The following CSMD2 variants were observed in gnomAD, a reference collection of about 807,000 sequenced individuals.
The protein encoded by CSMD2 is CUB and Sushi multiple domains 2, also known as CUB and sushi domain-containing protein 2.
In CSMD2, 130 loss-of-function variants were observed where a neutral mutation model predicts 398.5. The observed-to-expected ratio is 0.33, with a 90% confidence interval of 0.28 to 0.38. The LOEUF (loss-of-function observed/expected upper bound fraction) is 0.38, where lower values mean the gene tolerates loss of function less well. Ranked by LOEUF, CSMD2 falls within the 10% of genes least tolerant of loss-of-function variation. The pLI, the probability that CSMD2 is intolerant of heterozygous loss-of-function variation, is 1.00. For missense variants in CSMD2, 3,829 were observed against 4,764.9 expected (o/e 0.80, Z 5.78); for synonymous variants, 1,828 against 1,908.5 (o/e 0.96, Z 1.10).
intron 12 of CSMD2, among the ~76,000 whole-genome samples, chr1:33,775,279 C>G (rs1336295001): frequency 1.3e-5 from 2 of 152,218 alleles, no homozygotes; most frequent in Non-Finnish European, 2.9e-5. Flanking sequence ...CCTCACTGGT[C>G]TTCACCATAG....
chr1:33,710,152 T>C (rs984938907), intron 21 of CSMD2, among the ~76,000 whole-genome samples: 2 of 152,198 alleles, frequency 1.3e-5, no homozygotes, highest in Non-Finnish European at 2.9e-5. Flanking sequence ...ACTGTCTCCT[T>C]AACACCCACA....
chr1:33,590,071 C>G (rs1019865207), intron 44 of CSMD2, among the ~76,000 whole-genome samples: 1 of 151,342 alleles, frequency 6.6e-6, no homozygotes, highest in East Asian at 1.9e-4. Flanking sequence ...AGCCTGGGTA[C>G]TTTATATTTT....
chr1:34,135,486 C>T (rs1638637830), intron 1 of CSMD2, among the ~76,000 whole-genome samples: 1 of 151,848 alleles, frequency 6.6e-6, no homozygotes, highest in Admixed American at 6.6e-5. Flanking sequence ...GGTGTGGTGG[C>T]ACTTGCCTGT....
intron 3 of CSMD2, among the ~76,000 whole-genome samples, chr1:33,961,598 T>A (rs150566211): frequency 6.6e-6 from 1 of 152,174 alleles, no homozygotes; most frequent in Non-Finnish European, 1.5e-5. Context: ...AGTGAGATGG[T>A]TTGAATGCGA....
chr1:33,587,797 G>C (rs933623306), intron 44 of CSMD2, among the ~76,000 whole-genome samples: 2 of 152,214 alleles, frequency 1.3e-5, no homozygotes, highest in African/African-American at 4.8e-5. Flanking sequence ...GATGATGCTA[G>C]AGGCAGGATG....
At chr1:34,140,355 T>C (rs923046683) in intron 1 of CSMD2, among the ~76,000 whole-genome samples, 1 of 150,116 alleles carries the variant, frequency 6.7e-6, no homozygotes, top group Non-Finnish European at 1.5e-5. Flanking sequence ...CATGGCCCTG[T>C]GAGCTTGAAG....
At chr1:34,053,791 C>G (rs1311752589) in intron 2 of CSMD2, among the ~76,000 whole-genome samples, 1 of 152,136 alleles carries the variant, frequency 6.6e-6, no homozygotes, top group Non-Finnish European at 1.5e-5. Flanking sequence ...ATGGAATGCA[C>G]TAGCTTCAAC....
intron 48 of CSMD2, among the ~76,000 whole-genome samples, chr1:33,580,487 TA>T (rs1175634779): frequency 2.0e-5 from 3 of 152,216 alleles, no homozygotes; most frequent in African/African-American, 7.2e-5. Context: ...CTAACTTTCC[TA>T]AAGGGACAGG....
At chr1:33,779,557 A>T (rs573553331) in intron 12 of CSMD2, among the ~76,000 whole-genome samples, 57 of 152,352 alleles carry the variant, frequency 3.7e-4, no homozygotes, top group African/African-American at 1.3e-3. Context: ...GCCGCCCCTC[A>T]GATGGCTGTA....
intron 13 of CSMD2, among the ~76,000 whole-genome samples, chr1:33,748,229 T>C (rs987572799): frequency 3.3e-5 from 5 of 152,186 alleles, no homozygotes; most frequent in Admixed American, 6.5e-5. Flanking sequence ...TATGTATGCA[T>C]GTTGTATTGT....
At position 33,636,687 on chromosome 1, in the gene CSMD2, T is replaced by A; in HGVS notation, c.4775-133A>T. 1 of 674,900 alleles carries A rather than the reference T, an allele frequency of 1.5e-6. No homozygotes were observed. Among genetic ancestry groups the A allele is most frequent in the Non-Finnish European group, 2.5e-6 (1 of 392,790 alleles). The allele number at this position is 674,900 out of a possible 1,614,324, so 41.8% of individuals were successfully genotyped here. The stretch of plus-strand genomic sequence containing the variant: ...GCACACGGGGATGCGTGACTGTGGC[T>A]CCTATTCCCCTCAGGTCTAGAAACG... On this transcript the variant is annotated intron_variant, in intron 29 of 70. Coordinates refer to ENST00000373381, the MANE Select transcript of CSMD2 (RefSeq NM_001281956.2). The surrounding 1 kb of genome is among the most constrained non-coding windows in gnomAD (Gnocchi z 4.8).
intron 5 of CSMD2, among the ~76,000 whole-genome samples, chr1:33,855,060 T>G (rs1438707454): frequency 1.3e-5 from 2 of 152,180 alleles, no homozygotes; most frequent in South Asian, 2.1e-4. Flanking sequence ...AGAACAGGGT[T>G]GGGTCTGAAG....
At chr1:33,860,228 A>G (rs566951297) in intron 5 of CSMD2, among the ~76,000 whole-genome samples, 83 of 152,230 alleles carry the variant, frequency 5.5e-4, no homozygotes, top group African/African-American at 1.9e-3. Context: ...GTTTCTTCCA[A>G]TCTGCATCAG....
At chr1:33,575,665 T>C (rs1364323916) in intron 49 of CSMD2, among the ~76,000 whole-genome samples, 1 of 152,008 alleles carries the variant, frequency 6.6e-6, no homozygotes, top group Non-Finnish European at 1.5e-5. Context: ...ATGAGAGGCT[T>C]AGTAGGTTCC....
chr1:33,563,608 A>ACAGAATTT (rs1658780148), intron 53 of CSMD2, among the ~76,000 whole-genome samples: 1 of 152,132 alleles, frequency 6.6e-6, no homozygotes, highest in Non-Finnish European at 1.5e-5. Flanking sequence ...CCCACAGAAA[A>ACAGAATTT]CAGAATTTCA....
intron 32 of CSMD2, among the ~76,000 whole-genome samples, chr1:33,626,978 A>C (rs1350494566): frequency 6.6e-6 from 1 of 152,270 alleles, no homozygotes; most frequent in South Asian, 2.1e-4. Context: ...TTACTTGGAA[A>C]ACTGACATCA....
At chr1:33,925,202 A>G (rs1644083622) in intron 4 of CSMD2, among the ~76,000 whole-genome samples, 1 of 152,100 alleles carries the variant, frequency 6.6e-6, no homozygotes, top group African/African-American at 2.4e-5. Flanking sequence ...TTAGGTCTCT[A>G]ATTCATTTTA....
chr1:33,534,001 C>T (rs1019769464), intron 62 of CSMD2, 94 bp from the exon 63 acceptor site: 21 of 694,030 alleles, frequency 3.0e-5, no homozygotes, highest in Non-Finnish European at 4.5e-5. Context: ...CAACTCCTCC[C>T]GCACTGTTGC....
intron 2 of CSMD2, among the ~76,000 whole-genome samples, chr1:34,037,130 G>A (rs981711030): frequency 1.5e-5 from 2 of 129,614 alleles, no homozygotes; most frequent in African/African-American, 5.9e-5. Context: ...AATTTAATAA[G>A]TTTTAAAAAA....
Sources: allele counts gnomAD v4.1 joint callset (sites outside exome capture counted in the v4.1 genomes callset), GRCh38; gene constraint gnomAD v4.1.1; non-coding constraint Gnocchi (gnomAD v3.1); transcripts MANE v1.5; gene names NCBI Gene and HGNC (gene_info 2026-07-23, HGNC 2026-07-21).